Variants in DOCK8 observed in about 807,000 individuals in gnomAD.
DOCK8 encodes the protein dedicator of cytokinesis protein 8.
A neutral mutation model predicts 245.6 loss-of-function variants in DOCK8; 141 were observed. The observed-to-expected ratio is 0.57, with a 90% confidence interval of 0.50 to 0.66. DOCK8 has a LOEUF of 0.66. Among genes scored for constraint, DOCK8 ranks in the 30% least tolerant of loss-of-function variants. The probability of loss-of-function intolerance (pLI) is 0.00; values close to 1 mark genes in which losing one functional copy is unlikely to be tolerated. For synonymous variants in DOCK8, 1,168 were observed against 970.2 expected (o/e 1.20, Z -3.79); for missense variants, 2,965 against 2,603.4 (o/e 1.14, Z -3.02).
intron 4 of DOCK8, among the ~76,000 whole-genome samples, chr9:290,121 T>G (rs1215979827): frequency 2.0e-5 from 3 of 152,228 alleles, no homozygotes; most frequent in Non-Finnish European, 4.4e-5. Context: ...TATTTATCCA[T>G]TAACTTACTG....
At chr9:449,686 C>T in intron 44 of DOCK8, 98 bp from the exon 45 acceptor site, 1 of 1,500,538 alleles carries the variant, frequency 6.7e-7, no homozygotes, top group Non-Finnish European at 9.2e-7. Context: ...CCCTAGCTGC[C>T]TCTTCAAATT....
chr9:328,128 T>TAA lies in DOCK8; in HGVS notation c.1001_1002insAA (p.Phe334LeufsTer14). The TAA allele has an allele frequency of 6.2e-7, 1 of 1,614,192 alleles. No homozygotes were observed. The highest frequency in any genetic ancestry group is 8.5e-7 in the Non-Finnish European group (1 of 1,180,016). On this transcript the variant is annotated frameshift_variant, in exon 9 of 48. Transcript: ENST00000432829. LOFTEE classifies it high-confidence loss of function. ...TCAAGTCAGGCGAGATCTGCAGTCT[T>TAA]CTCAGTCACCTACCCGTCCTCAGAC...
intron 1 of DOCK8, among the ~76,000 whole-genome samples, chr9:238,966 C>G (rs1450257752): frequency 6.6e-6 from 1 of 152,136 alleles, no homozygotes; most frequent in Non-Finnish European, 1.5e-5. Context: ...TCACTGGGAC[C>G]ATTTAGACAC....
At chr9:268,456 AAATACTAGAGTTTTGACATAGGAC>A (rs1454119384) in intron 1 of DOCK8, among the ~76,000 whole-genome samples, 1 of 152,214 alleles carries the variant, frequency 6.6e-6, no homozygotes, top group African/African-American at 2.4e-5. Flanking sequence ...ATGATGACAA[AAATACTAGAGTTTTGACATAGGAC>A]AACAGATCTT....
chr9:440,353 C>T (rs1316111255), intron 40 of DOCK8, among the ~76,000 whole-genome samples: 5 of 152,188 alleles, frequency 3.3e-5, no homozygotes, highest in Admixed American at 3.3e-4. Context: ...TCCTCCTTTA[C>T]ATTTTAAGCC....
intron 23 of DOCK8, 42 bp downstream of exon 23, chr9:386,468 C>T: frequency 1.3e-6 from 2 of 1,562,926 alleles, no homozygotes; most frequent in Non-Finnish European, 1.8e-6. Context: ...AGGATAAGAA[C>T]AGAAGGATTT....
rs575307925 is a variant in DOCK8 at position 264,212 on chromosome 9, T to C, written c.54-7415T>C. 1.2e-4 allele frequency among the ~76,000 whole-genome samples: 18 copies of C among 152,384 alleles called. No homozygotes were observed. In the South Asian group the frequency reaches 3.1e-3, roughly 26 times the overall value. ...GTGATTATATCAAGAAGGAAACTTA[T>C]ATGATGACATATAAAAGCTGGGGAG... On this transcript the variant is annotated intron_variant, in intron 1 of 47. Coordinates refer to ENST00000432829, the MANE Select transcript of DOCK8 (RefSeq NM_203447.4).
intron 47 of DOCK8, among the ~76,000 whole-genome samples, chr9:463,915 G>T (rs2057892424): frequency 6.6e-6 from 1 of 152,118 alleles, no homozygotes; most frequent in Non-Finnish European, 1.5e-5. Context: ...CTTGTGCCAG[G>T]GTATTCCCAG....
At chr9:227,632 C>T (rs2047017956) in intron 1 of DOCK8, among the ~76,000 whole-genome samples, 3 of 152,160 alleles carry the variant, frequency 2.0e-5, no homozygotes, top group Admixed American at 2.0e-4. Flanking sequence ...CACCCTAACA[C>T]AGATGAACAT....
At chr9:277,478 A>G (rs1157715392) in intron 2 of DOCK8, among the ~76,000 whole-genome samples, 118 of 128,592 alleles carry the variant, frequency 9.2e-4, no homozygotes, top group African/African-American at 4.0e-3. Context: ...AGAGAAGAGA[A>G]GAGAAGAGAA....
intron 1 of DOCK8, among the ~76,000 whole-genome samples, chr9:262,073 A>C (rs2047932211): frequency 6.6e-6 from 1 of 151,792 alleles, no homozygotes; most frequent in African/African-American, 2.4e-5. Flanking sequence ...ATGTATATGT[A>C]ACCCTAAACC....
At chr9:223,716 C>T (rs1297942043) in intron 1 of DOCK8, among the ~76,000 whole-genome samples, 3 of 150,394 alleles carry the variant, frequency 2.0e-5, no homozygotes, top group African/African-American at 7.4e-5. Flanking sequence ...ATCTAAAGGT[C>T]TCCACTTAAC....
intron 1 of DOCK8, among the ~76,000 whole-genome samples, chr9:229,405 C>T (rs1176600637): frequency 6.6e-6 from 1 of 152,154 alleles, no homozygotes; most frequent in East Asian, 1.9e-4. Context: ...TAAACATAGT[C>T]CTGCCTGGAG....
chr9:395,106 A>C (rs1431273143), intron 24 of DOCK8, among the ~76,000 whole-genome samples: 1 of 152,134 alleles, frequency 6.6e-6, no homozygotes, highest in East Asian at 1.9e-4. Flanking sequence ...TTTTTCGGAC[A>C]AAAATGGGTC....
At chr9:403,948 A>ATATATATATGTATATATATATATATGTG (rs1564021552) in intron 26 of DOCK8, among the ~76,000 whole-genome samples, 6 of 70,388 alleles carry the variant, frequency 8.5e-5, no homozygotes, top group Middle Eastern at 7.1e-3. Context: ...ATATATGTGT[A>ATATATATATGTATATATATATATATGTG]TATATATATA....
At chr9:421,963 C>G (rs2056296619) in intron 32 of DOCK8, 85 bp from the exon 33 acceptor site, 2 of 1,193,992 alleles carry the variant, frequency 1.7e-6, no homozygotes, top group Middle Eastern at 1.9e-4. Flanking sequence ...GCTGAGGCTT[C>G]TCAGTTGAGC....
At chr9:275,576 T>C (rs898924577) in intron 2 of DOCK8, among the ~76,000 whole-genome samples, 18 of 152,144 alleles carry the variant, frequency 1.2e-4, no homozygotes, top group African/African-American at 3.1e-4. Context: ...AGCTCTGTTA[T>C]TTATTTATTT....
intron 22 of DOCK8, among the ~76,000 whole-genome samples, chr9:384,871 G>C (rs1007616615): frequency 1.3e-5 from 2 of 152,128 alleles, no homozygotes; most frequent in Admixed American, 1.3e-4. Flanking sequence ...AGCCAAGATC[G>C]TGCCACCGCA....
At chr9:435,032 TC>T in intron 39 of DOCK8, 57 bp downstream of exon 39, 1 of 1,592,726 alleles carries the variant, frequency 6.3e-7, no homozygotes. Flanking sequence ...GGCGATTTTG[TC>T]CCCCAGCCCC....
Sources: gnomAD v4.1 joint callset for allele counts (sites outside exome capture counted in the v4.1 genomes callset) on GRCh38, gnomAD v4.1.1 for gene constraint, MANE v1.5 for transcripts, NCBI Gene and HGNC (gene_info 2026-07-23, HGNC 2026-07-21) for gene names.